RAB11FIP1: variants seen among roughly 807,000 people sequenced by gnomAD.
RAB11FIP1 encodes the protein rab11 family-interacting protein 1.
A neutral mutation model predicts 83.1 loss-of-function variants in RAB11FIP1; 49 were observed. The observed-to-expected ratio is 0.59, with a 90% confidence interval of 0.47 to 0.75. The LOEUF is 0.75. Ranked by LOEUF, RAB11FIP1 falls within the 30% of genes least tolerant of loss-of-function variation. The pLI is 0.00. For missense variants in RAB11FIP1, 1,536 were observed against 1,598.7 expected (o/e 0.96, Z 0.67); for synonymous variants, 670 against 656.0 (o/e 1.02, Z -0.33).
chr8:37,899,097 G>T lies in RAB11FIP1; in HGVS notation c.345C>A (p.His115Gln). 6.6e-7 allele frequency: 1 copy of T among 1,524,784 alleles called. No individual in the cohort carries two copies. The highest frequency in any genetic ancestry group is 1.2e-5 in the South Asian group (1 of 83,316). The allele number at this position is 1,524,784 out of a possible 1,614,324, so 94.5% of individuals were successfully genotyped here. The change falls in exon 1 of 6, where the codon CAC becomes CAA. Residue 115 changes from histidine to glutamine, a missense_variant. Transcript: ENST00000330843. The surrounding 1 kb of genome is among the most constrained non-coding windows in gnomAD (Gnocchi z 4.5). ...GCGTCTTCCTGCGGCCCTGGTCGCG[G>T]TGCAGATCCCGCAGGTCCACCTCGG... The part of the protein sequence containing the change: ...GRAEVDLRDL[H>Q]RDQGRRKTQW...
chr8:37,863,955 C>G (rs977557562), intron 5 of RAB11FIP1, among the ~76,000 whole-genome samples: 9 of 152,208 alleles, frequency 5.9e-5, no homozygotes, highest in Admixed American at 2.0e-4. Context: ...GGAGCAAGGG[C>G]TTTCTTTCCA....
intron 4 of RAB11FIP1, 43 bp from the exon 5 acceptor site, chr8:37,870,571 G>A (rs772445229): frequency 1.9e-6 from 2 of 1,047,924 alleles, no homozygotes; most frequent in Non-Finnish European, 2.9e-6. Flanking sequence ...TCCGGTCATG[G>A]CAAAACTGAG....
intron 5 of RAB11FIP1, among the ~76,000 whole-genome samples, chr8:37,868,810 A>G (rs1806393301): frequency 6.6e-6 from 1 of 152,186 alleles, no homozygotes. Flanking sequence ...ATATTAGCCC[A>G]TAATTTTAGA....
chr8:37,865,084 A>G (rs1806316407), intron 5 of RAB11FIP1, among the ~76,000 whole-genome samples: 1 of 152,070 alleles, frequency 6.6e-6, no homozygotes, highest in South Asian at 2.1e-4. Flanking sequence ...TTTTATATCA[A>G]GAAAAAAGAG....
In RAB11FIP1 at chr8:37,863,130, A is replaced by G. The variant is rs140665590; in HGVS notation, c.3634-17T>C. 234 of 1,599,172 alleles carry G rather than the reference A, an allele frequency of 1.5e-4. 1 individual carries two copies. In the African/African-American group the frequency reaches 2.9e-3, roughly 20 times the overall value. On this transcript the variant is annotated splice_polypyrimidine_tract_variant and intron_variant, in intron 5 of 5. Coordinates refer to ENST00000330843, the MANE Select transcript of RAB11FIP1 (RefSeq NM_001002814.3). ...GCTGTATTTCTTTGGAGGGGGGGAA[A>G]TAGTTGGGAAAAAGGAGTTATAAAA...
At chr8:37,897,570 G>A (rs1807114286) in intron 1 of RAB11FIP1, among the ~76,000 whole-genome samples, 1 of 151,098 alleles carries the variant, frequency 6.6e-6, no homozygotes, top group African/African-American at 2.4e-5. Context: ...GTAATATCAT[G>A]GAGTGAATGG....
At chr8:37,865,151 C>T (rs1806318099) in intron 5 of RAB11FIP1, among the ~76,000 whole-genome samples, 1 of 151,670 alleles carries the variant, frequency 6.6e-6, no homozygotes, top group Non-Finnish European at 1.5e-5. Flanking sequence ...GATTATATCT[C>T]TGTCATATAA....
intron 1 of RAB11FIP1, among the ~76,000 whole-genome samples, chr8:37,895,388 G>T (rs1264398109): frequency 2.1e-5 from 3 of 141,382 alleles, no homozygotes; most frequent in Non-Finnish European, 4.5e-5. Context: ...TAGGATTACA[G>T]GTAGGAACCA....
Position 37,871,948 on chromosome 8 carries a change from T to C in RAB11FIP1, c.2854A>G (p.Met952Val), listed in dbSNP as rs749127254. The change falls in exon 4 of 6, where the codon ATG (methionine) becomes GTG (valine). Residue 952 changes from methionine (M) to valine (V), a missense_variant. By Grantham distance (21) the Met-to-Val change is conservative. Coordinates refer to ENST00000330843, the MANE Select transcript of RAB11FIP1 (RefSeq NM_001002814.3). ...QLVSDFKSPI[M>V]ADLNLSLPSI... ...GGAAGGCTTAAGTTCAGATCGGCCA[T>C]GATTGGAGATTTAAAATCTGAGACC... 7.4e-6 allele frequency: 12 copies of C among 1,614,076 alleles called. No homozygotes were observed. Among genetic ancestry groups the C allele is most frequent in the Non-Finnish European group, 7.6e-6 (9 of 1,180,034 alleles).
At position 37,870,429 on chromosome 8, in the gene RAB11FIP1, G is replaced by A. The variant is rs1328363279; in HGVS notation, c.3624C>T (p.Val1208=). The change falls in exon 5 of 6, where the codon GTC becomes GTT. Residue 1208 remains valine, a synonymous_variant. Coordinates refer to ENST00000330843, the MANE Select transcript of RAB11FIP1 (RefSeq NM_001002814.3). ...TIISENLNNE[V]MMKKYSPSDP... ...TTCTCAGAGGACATACCTTCATCAT[G>A]ACCTCATTGTTCAAGTTCTCACTGA... The A allele has an allele frequency of 2.5e-6, 4 of 1,593,248 alleles. No individual in the cohort carries two copies. The highest frequency in any genetic ancestry group is 1.1e-5 in the South Asian group (1 of 90,534).
chr8:37,871,521 G>C lies in RAB11FIP1; in HGVS notation c.3281C>G (p.Pro1094Arg), dbSNP rs769762267. 1.2e-6 allele frequency: 2 copies of C among 1,610,668 alleles called. No homozygotes were observed. The highest frequency in any genetic ancestry group is 2.2e-5 in the South Asian group (2 of 90,524). ...CTCAGAAGGGGAGGGGCTGGGTACA[G>C]GATTGTCCAGGGATGTGCCAGGAGG... ...SPPPGTSLDN[P>R]VPSPSPSEIF... The change falls in exon 4 of 6, where the codon CCT becomes CGT. Residue 1094 changes from proline to arginine, a missense_variant. By Grantham distance (103) the Pro-to-Arg change is moderately radical. Transcript: ENST00000330843.
At chr8:37,865,128 T>C (rs1163616640) in intron 5 of RAB11FIP1, among the ~76,000 whole-genome samples, 1 of 151,818 alleles carries the variant, frequency 6.6e-6, no homozygotes, top group African/African-American at 2.4e-5. Context: ...GAATACGTCC[T>C]CAAGGGATTT....
rs951783445 is a variant in RAB11FIP1, at chr8:37,872,410, G to A, written c.2392C>T (p.Leu798Phe). ...MRKLEEMGLN[L>F]RKDQKKTKKR... The stretch of plus-strand genomic sequence containing the variant: ...TTGGTTTTCTTCTGGTCCTTGCGGA[G>A]GTTCAGACCCATCTCTTCCAGCTTC... Residue 798 changes from leucine (L) to phenylalanine (F), a missense_variant, in exon 4 of 6, where the codon CTC becomes TTC. Transcript: ENST00000330843. 1 of 1,614,160 alleles carries A rather than the reference G, an allele frequency of 6.2e-7. No homozygotes were observed. Among genetic ancestry groups the A allele is most frequent in the South Asian group, 1.1e-5 (1 of 91,082 alleles).
chr8:37,897,277 C>G (rs1485192327), intron 1 of RAB11FIP1, among the ~76,000 whole-genome samples: 1 of 151,396 alleles, frequency 6.6e-6, no homozygotes, highest in Non-Finnish European at 1.5e-5. Context: ...GGAACCCACC[C>G]CACAGTAAAG....
In RAB11FIP1 at chr8:37,871,484, G is replaced by C. The variant is rs925608725; in HGVS notation, c.3318C>G (p.Val1106=). ...GTGCAGAGCTGGGGAAAGAGTGTGT[G>C]ACAGGAAAGATCTCAGAAGGGGAGG... The part of the protein sequence containing the change: ...PSPSPSEIFP[V]THSFPSSAHS... The change falls in exon 4 of 6, where the codon GTC becomes GTG. Residue 1106 remains valine (V), a synonymous_variant. Transcript: ENST00000330843. The C allele has an allele frequency of 1.2e-6, 2 of 1,613,310 alleles. No individual in the cohort carries two copies. The highest frequency in any genetic ancestry group is 1.7e-6 in the Non-Finnish European group (2 of 1,179,764).
intron 1 of RAB11FIP1, among the ~76,000 whole-genome samples, chr8:37,885,546 G>C (rs923053632): frequency 2.6e-5 from 4 of 150,978 alleles, no homozygotes; most frequent in African/African-American, 7.3e-5. Flanking sequence ...ATTTTTTTTT[G>C]GTCAAACACA....
At position 37,863,581 on chromosome 8, in the gene RAB11FIP1, G is replaced by T. The variant is rs930361210; in HGVS notation, c.3634-468C>A. Among the ~76,000 whole-genome samples, 6 of 152,164 alleles carry T rather than the reference G, an allele frequency of 3.9e-5. No homozygotes were observed. The South Asian group carries it at 6.2e-4, about 16-fold the overall frequency. On this transcript the variant is annotated intron_variant, in intron 5 of 5. Coordinates refer to ENST00000330843, the MANE Select transcript of RAB11FIP1 (RefSeq NM_001002814.3). Reference sequence around the variant, plus strand: ...CGTTTTCAATTTACAGTGAAAACAGGTTGTTGACTGATGAAGTCTTCTGGA... The same window carrying T: ...CGTTTTCAATTTACAGTGAAAACAGTTTGTTGACTGATGAAGTCTTCTGGA...
At chr8:37,888,846 GGA>G (rs1806889404) in intron 1 of RAB11FIP1, among the ~76,000 whole-genome samples, 4 of 140,172 alleles carry the variant, frequency 2.9e-5, no homozygotes, top group Non-Finnish European at 1.5e-5. Context: ...TGCCCAGGCC[GGA>G]CTGCAGTGGC....
intron 2 of RAB11FIP1, 59 bp downstream of exon 2, chr8:37,877,050 C>T (rs1806628218): frequency 1.6e-6 from 2 of 1,238,970 alleles, no homozygotes; most frequent in East Asian, 4.7e-5. Flanking sequence ...TCTTCTCTCT[C>T]AGAACGAAGC....
Sources: allele counts gnomAD v4.1 joint callset (sites outside exome capture counted in the v4.1 genomes callset), GRCh38; gene constraint gnomAD v4.1.1; non-coding constraint Gnocchi (gnomAD v3.1); transcripts MANE v1.5; gene names NCBI Gene and HGNC (gene_info 2026-07-23, HGNC 2026-07-21).